Variants in HIF1A observed in about 807,000 individuals in gnomAD.
HIF1A encodes hypoxia-inducible factor 1-alpha.
HIF1A carries 24 observed loss-of-function variants against 92.7 expected under a neutral mutation model. The observed-to-expected ratio is 0.26, with a 90% CI of 0.19 to 0.36. The LOEUF (loss-of-function observed/expected upper bound fraction) is 0.36, where lower values mean the gene tolerates loss of function less well. Ranked by LOEUF, HIF1A falls within the 10% of genes least tolerant of loss-of-function variation. The probability of loss-of-function intolerance (pLI) is 1.00; values close to 1 mark genes in which losing one functional copy is unlikely to be tolerated. For synonymous variants in HIF1A, 319 were observed against 338.7 expected (o/e 0.94, Z 0.64); for missense variants, 799 against 998.5 (o/e 0.80, Z 2.69).
At chr14:61,727,016 C>T (rs1310677252) in intron 5 of HIF1A, among the ~76,000 whole-genome samples, 198 bp downstream of exon 5, 2 of 152,234 alleles carry the variant, frequency 1.3e-5, no homozygotes, top group Non-Finnish European at 2.9e-5. Context: ...GAGGCACAAA[C>T]TTAAATTACG....
intron 1 of HIF1A, among the ~76,000 whole-genome samples, chr14:61,714,533 T>G (rs2044341982): frequency 6.6e-6 from 1 of 152,190 alleles, no homozygotes; most frequent in African/African-American, 2.4e-5. Flanking sequence ...ATGCCACCAT[T>G]ATACAAAATT....
intron 7 of HIF1A, among the ~76,000 whole-genome samples, chr14:61,733,301 G>A (rs956583316): frequency 1.3e-5 from 2 of 152,178 alleles, no homozygotes; most frequent in African/African-American, 4.8e-5. Flanking sequence ...GGCCAGGCTG[G>A]TCTCGAACTC....
chr14:61,740,954 C>T lies in HIF1A; in HGVS notation c.1859C>T (p.Thr620Ile). 1 of 1,614,030 alleles carries T rather than the reference C, an allele frequency of 6.2e-7. No individual in the cohort carries two copies. The highest frequency in any genetic ancestry group is 8.5e-7 in the Non-Finnish European group (1 of 1,179,878). The change falls in exon 12 of 15, where the codon ACC becomes ATC. Residue 620 changes from threonine to isoleucine, a missense_variant. By Grantham distance (89) the Thr-to-Ile change is moderately conservative. Around this residue, in one of 2 missense-constraint regions of HIF1A, gnomAD observed 283 missense variants for 277.5 expected, o/e 1.02. Coordinates refer to ENST00000337138, the MANE Select transcript of HIF1A (RefSeq NM_001530.4). The part of the protein sequence containing the change: ...PTANATTTTA[T>I]TDELKTVTKD... ...GCTAATGCCACCACTACCACTGCCACCACTGATGAATTAAAAACAGTGACA... is the reference window on the plus strand; with the variant it reads ...GCTAATGCCACCACTACCACTGCCATCACTGATGAATTAAAAACAGTGACA...
At chr14:61,718,788 CTT>C (rs1353095288) in intron 1 of HIF1A, among the ~76,000 whole-genome samples, 1 of 151,926 alleles carries the variant, frequency 6.6e-6, no homozygotes, top group Admixed American at 6.6e-5. Context: ...TAGTTTCTTC[CTT>C]TTTTTCCTCC....
At chr14:61,711,449 G>A (rs778774783) in intron 1 of HIF1A, among the ~76,000 whole-genome samples, 8 of 152,142 alleles carry the variant, frequency 5.3e-5, no homozygotes, top group Non-Finnish European at 1.0e-4. Context: ...AACAGTAAAA[G>A]ACATGAGTGT....
intron 1 of HIF1A, chr14:61,697,902 G>A (rs1449589520): frequency 1.3e-6 from 2 of 1,521,822 alleles, no homozygotes; most frequent in South Asian, 1.2e-5. Context: ...TTTAAAAGAA[G>A]GTCTAGGAAA....
At chr14:61,701,743 T>C (rs2044179018) in intron 1 of HIF1A, among the ~76,000 whole-genome samples, 1 of 152,154 alleles carries the variant, frequency 6.6e-6, no homozygotes, top group Admixed American at 6.5e-5. Flanking sequence ...ATCCCAGTAC[T>C]TTGGGATGCC....
intron 9 of HIF1A, 29 bp from the exon 10 acceptor site, chr14:61,738,058 T>C (rs773431597): frequency 6.5e-7 from 1 of 1,542,576 alleles, no homozygotes; most frequent in African/African-American, 1.4e-5. Context: ...CTTCTATACT[T>C]TAGATTGACT....
At chr14:61,724,413 T>G (rs2044477658) in intron 4 of HIF1A, among the ~76,000 whole-genome samples, 2 of 110,932 alleles carry the variant, frequency 1.8e-5, no homozygotes, top group South Asian at 6.6e-4. Flanking sequence ...CCCTTCCCCC[T>G]CCTTTGCTCT....
At chr14:61,722,084 A>G (rs2044437625) in intron 4 of HIF1A, among the ~76,000 whole-genome samples, 2 of 105,954 alleles carry the variant, frequency 1.9e-5, no homozygotes, top group African/African-American at 5.2e-5. Flanking sequence ...AGTTACAAAT[A>G]ACTTTTTTTT....
intron 1 of HIF1A, among the ~76,000 whole-genome samples, chr14:61,700,480 TTTCC>T (rs1846797250): frequency 6.6e-6 from 1 of 152,226 alleles, no homozygotes; most frequent in African/African-American, 2.4e-5. Context: ...TGTGTCAGAA[TTTCC>T]TTCCTTTTTG....
intron 1 of HIF1A, 58 bp downstream of exon 1, chr14:61,695,897 G>T: frequency 6.7e-7 from 1 of 1,496,612 alleles, no homozygotes; most frequent in Non-Finnish European, 9.1e-7. Context: ...CCGCCTGCCC[G>T]CCCTGGGCTC....
chr14:61,725,153 T>C (rs952066660), intron 4 of HIF1A, among the ~76,000 whole-genome samples: 11 of 152,240 alleles, frequency 7.2e-5, no homozygotes, highest in African/African-American at 2.7e-4. Flanking sequence ...TGATTTCCCT[T>C]GACTAGAAAT....
At chr14:61,742,031 G>C (rs142660658) in intron 12 of HIF1A, among the ~76,000 whole-genome samples, 2 of 151,792 alleles carry the variant, frequency 1.3e-5, no homozygotes, top group African/African-American at 2.4e-5. Flanking sequence ...TTTTCATTAC[G>C]TATTTGTAGA....
intron 1 of HIF1A, among the ~76,000 whole-genome samples, chr14:61,712,636 A>G (rs1181432571): frequency 6.7e-6 from 1 of 149,970 alleles, no homozygotes; most frequent in East Asian, 2.0e-4. Flanking sequence ...AGTAAATTCA[A>G]ATATTATGTT....
intron 12 of HIF1A, among the ~76,000 whole-genome samples, chr14:61,742,379 A>G (rs2044722269): frequency 6.6e-6 from 1 of 152,128 alleles, no homozygotes; most frequent in South Asian, 2.1e-4. Context: ...TAACATTCCC[A>G]CCTTGACCTA....
At chr14:61,728,282 G>C (rs2044532731) in intron 6 of HIF1A, among the ~76,000 whole-genome samples, 1 of 152,120 alleles carries the variant, frequency 6.6e-6, no homozygotes, top group Non-Finnish European at 1.5e-5. Context: ...GATTACCTTA[G>C]GTTGGGGACT....
At position 61,719,136 on chromosome 14, in the gene HIF1A, G is replaced by A. The variant is rs546052146; in HGVS notation, c.36-1246G>A. Among the ~76,000 whole-genome samples the A allele has an allele frequency of 7.9e-5, 12 of 152,228 alleles. No individual in the cohort carries two copies. The South Asian group carries it at 1.7e-3, about 21-fold the overall frequency. On this transcript the variant is annotated intron_variant, in intron 1 of 14. Transcript: ENST00000337138. ...GAGAGATTTGGGGTGGAGACAATTC[G>A]GTACTTCATTCACAGGATGTAAGGA...
At chr14:61,731,418 T>C (rs2044574050) in intron 6 of HIF1A, among the ~76,000 whole-genome samples, 2 of 152,240 alleles carry the variant, frequency 1.3e-5, no homozygotes, top group Admixed American at 1.3e-4. Flanking sequence ...GTCTACTCTC[T>C]GCCAGCGAGC....
Sources: allele counts gnomAD v4.1 joint callset (sites outside exome capture counted in the v4.1 genomes callset), GRCh38; gene constraint gnomAD v4.1.1; regional missense constraint gnomAD v4.1.1; transcripts MANE v1.5; gene names NCBI Gene and HGNC (gene_info 2026-07-23, HGNC 2026-07-21).